The following NBPF8 variants were observed in gnomAD, a reference collection of about 807,000 sequenced individuals.
NBPF8 encodes NBPF member 8.
At chr1:120,466,163 C>T (rs1661742871) in exon 25 of NBPF8, 3 of 1,609,924 alleles carry the variant, frequency 1.9e-6, no homozygotes, top group South Asian at 2.2e-5. Context: ...AGGTTCTTTA[C>T]TTTGACGGTG....
exon 24 of NBPF8, chr1:120,465,332 G>A: frequency 2.9e-6 from 2 of 679,080 alleles, no homozygotes; most frequent in South Asian, 2.8e-5. Context: ...AGAAGGGGAA[G>A]AAAAGAAGGG....
At chr1:120,425,446 A>G (rs1286228950) in intron 1 of NBPF8, among the ~76,000 whole-genome samples, 66 of 152,058 alleles carry the variant, frequency 4.3e-4, no homozygotes, top group African/African-American at 1.4e-3. Flanking sequence ...TTTATGATGC[A>G]GAGACATTTG....
upstream of NBPF8, chr1:120,434,195 T>C (rs1420205177): frequency 1.3e-5 from 2 of 150,818 alleles, no homozygotes; most frequent in Non-Finnish European, 3.0e-5. Context: ...AGCTGTGCAG[T>C]AGCCCTCGCT....
At chr1:120,452,371 C>A (rs1661305196) in intron 13 of NBPF8, 40 bp downstream of exon 11, 5 of 1,056,642 alleles carry the variant, frequency 4.7e-6, no homozygotes, top group Non-Finnish European at 7.3e-6. Flanking sequence ...AAATCCCAGG[C>A]TTATGAGAGA....
At chr1:120,463,508 AC>A (rs1661651051) in intron 21 of NBPF8, among the ~76,000 whole-genome samples, 167 bp from the exon 20 acceptor site, 1 of 62,044 alleles carries the variant, frequency 1.6e-5, no homozygotes, top group Non-Finnish European at 2.8e-5. Context: ...TGAGATGCAA[AC>A]CAAAGAATAT....
chr1:120,422,219 T>G (rs1312197651), intron 1 of NBPF8, among the ~76,000 whole-genome samples: 1 of 152,144 alleles, frequency 6.6e-6, no homozygotes, highest in Non-Finnish European at 1.5e-5. Context: ...TTACAATTGA[T>G]GAACCACTAT....
At chr1:120,421,384 C>T (rs1365837577) in intron 1 of NBPF8, among the ~76,000 whole-genome samples, 6 of 151,608 alleles carry the variant, frequency 4.0e-5, no homozygotes, top group African/African-American at 9.7e-5. Context: ...CTCTCCCCTC[C>T]CTACTTCTCT....
chr1:120,416,872 G>A (rs1279767447), upstream of NBPF8, among the ~76,000 whole-genome samples: 1 of 148,512 alleles, frequency 6.7e-6, no homozygotes, highest in Admixed American at 6.7e-5. Context: ...ATTCTAGTAG[G>A]GGTGCAGTAA....
chr1:120,433,027 G>A (rs1457502214), upstream of NBPF8: 3 of 152,176 alleles, frequency 2.0e-5, no homozygotes, highest in Non-Finnish European at 2.9e-5. Context: ...TACATGCAAT[G>A]AAGCAGGTAC....
chr1:120,428,541 A>C (rs1165303951), intron 3 of NBPF8, among the ~76,000 whole-genome samples: 2 of 152,112 alleles, frequency 1.3e-5, no homozygotes, highest in African/African-American at 4.8e-5. Flanking sequence ...ATAAACTCCC[A>C]TCAGCTTTAA....
At chr1:120,420,752 G>C (rs1427492643) in intron 1 of NBPF8, among the ~76,000 whole-genome samples, 3 of 144,342 alleles carry the variant, frequency 2.1e-5, no homozygotes, top group Non-Finnish European at 4.5e-5. Flanking sequence ...GGACCTTGTG[G>C]TGGATGTCTT....
chr1:120,459,740 C>G (rs1328237258), intron 17 of NBPF8, among the ~76,000 whole-genome samples: 22 of 151,962 alleles, frequency 1.4e-4, no homozygotes, highest in East Asian at 1.4e-3. Context: ...CCTAGTCTCA[C>G]GCCATGCCCG....
upstream of NBPF8, among the ~76,000 whole-genome samples, chr1:120,417,781 T>G (rs1339623454): frequency 6.9e-6 from 1 of 144,026 alleles, no homozygotes; most frequent in Non-Finnish European, 1.5e-5. Flanking sequence ...TCATATTTTT[T>G]GTAGAGATGG....
intron 15 of NBPF8, among the ~76,000 whole-genome samples, chr1:120,454,702 G>GTTT (rs1570940919): frequency 4.6e-5 from 1 of 21,764 alleles, no homozygotes; most frequent in African/African-American, 3.0e-4. Flanking sequence ...TAGCATCGTG[G>GTTT]ATTTTTTTTT....
chr1:120,451,810 T>A (rs1445573770), intron 12 of NBPF8, among the ~76,000 whole-genome samples: 1,597 of 150,090 alleles, frequency 0.011, 32 homozygotes, highest in African/African-American at 0.038. Context: ...GAATTGTCCA[T>A]GGCCAGAGTG....
upstream of NBPF8, among the ~76,000 whole-genome samples, chr1:120,431,389 T>A (rs1284737872): frequency 1.6e-4 from 10 of 62,838 alleles, no homozygotes; most frequent in African/African-American, 6.8e-4. Flanking sequence ...TATATATATA[T>A]ATATATATAT....
In NBPF8 at chr1:120,467,587, C is replaced by A. The variant is rs1383385158; in HGVS notation, n.5178C>A. The A allele has an allele frequency of 4.5e-5, 6 of 132,196 alleles. No homozygotes were observed. In the East Asian group the frequency reaches 1.1e-3, roughly 25 times the overall value. The allele number at this position is 132,196 out of a possible 1,614,324, so 8.2% of individuals were successfully genotyped here. ...CCTGTGTCTATTATTATATTCATATCTCTACACTGCAAATTTTGGGTCTCA... is the reference window on the plus strand; with the variant it reads ...CCTGTGTCTATTATTATATTCATATATCTACACTGCAAATTTTGGGTCTCA... On this transcript the variant is annotated non_coding_transcript_exon_variant, in exon 25 of 25. Coordinates refer to ENST00000583271, the Ensembl canonical transcript of NBPF8.
chr1:120,460,792 C>T (rs1268972127), intron 18 of NBPF8, among the ~76,000 whole-genome samples, 168 bp downstream of exon 16: 1 of 151,720 alleles, frequency 6.6e-6, no homozygotes, highest in Non-Finnish European at 1.5e-5. Context: ...TTTAGGTTTC[C>T]ATTTCTTCCT....
intron 18 of NBPF8, among the ~76,000 whole-genome samples, chr1:120,461,016 CTGTGTGTGTGTGTGTGTGTGTGTGTGTG>C (rs202089337): frequency 7.6e-6 from 1 of 131,208 alleles, no homozygotes; most frequent in African/African-American, 2.8e-5. Context: ...TGAGCTCGAA[CTGTGTGTGTGTGTGTGTGTGTGTGTGTG>C]TGTGTGTGTG....
Sources: allele counts gnomAD v4.1 joint callset (sites outside exome capture counted in the v4.1 genomes callset), GRCh38; gene constraint gnomAD v4.1.1; transcripts MANE v1.5; gene names NCBI Gene and HGNC (gene_info 2026-07-23, HGNC 2026-07-21).